Variants in GINS1 observed in about 807,000 individuals in gnomAD.
GINS1 encodes GINS complex subunit 1, also known as DNA replication complex GINS protein PSF1.
In GINS1, 26 loss-of-function variants were observed where a neutral mutation model predicts 34.9. The ratio of observed to expected loss-of-function variants is 0.74; its 90% CI spans 0.55 to 1.03. The LOEUF is 1.03. Ranked by LOEUF, GINS1 falls within the 50% of genes least tolerant of loss-of-function variation. GINS1 has a pLI of 0.00. For synonymous variants in GINS1, 97 were observed against 84.4 expected (o/e 1.15, Z -0.82); for missense variants, 235 against 237.9 (o/e 0.99, Z 0.08).
chr20:25,414,255 T>A (rs1362988223), intron 2 of GINS1, among the ~76,000 whole-genome samples: 4 of 151,172 alleles, frequency 2.6e-5, no homozygotes, highest in African/African-American at 9.8e-5. Flanking sequence ...TGGGATGCGA[T>A]TTTTAAAAAT....
At chr20:25,429,588 GAATT>G (rs771771653) in intron 5 of GINS1, among the ~76,000 whole-genome samples, 124 of 148,286 alleles carry the variant, frequency 8.4e-4, no homozygotes, top group Admixed American at 1.5e-3. Flanking sequence ...CTGATAAACT[GAATT>G]ATTTTCATAA....
In GINS1 at chr20:25,407,733, C is replaced by A; in HGVS notation, c.-88C>A. On this transcript the variant is annotated 5_prime_UTR_variant, in exon 1 of 7. Transcript: ENST00000262460. ...AGAGCCTGGCGCTGTAGGACTAGAA[C>A]GAAAGGAGTGAGGCGCCGAGAGCCC... The A allele has an allele frequency of 9.8e-7, 1 of 1,022,142 alleles. No individual in the cohort carries two copies. The highest frequency in any genetic ancestry group is 1.5e-6 in the Non-Finnish European group (1 of 656,010). 63.3% of individuals were successfully genotyped at this position (1,022,142 alleles called of 1,614,324 possible). A position where few individuals can be genotyped will look rare whatever the true frequency, so the allele number is the denominator to read the frequency against.
chr20:25,410,838 T>C (rs545506616), intron 1 of GINS1, among the ~76,000 whole-genome samples: 54 of 152,256 alleles, frequency 3.5e-4, no homozygotes, highest in African/African-American at 1.3e-3. Context: ...GCTGGGATTA[T>C]AGGCGTGAGC....
At chr20:25,414,047 G>A (rs1044406091) in intron 2 of GINS1, among the ~76,000 whole-genome samples, 193 bp downstream of exon 2, 18 of 151,918 alleles carry the variant, frequency 1.2e-4, no homozygotes, top group Middle Eastern at 6.8e-3. Context: ...AAAATTAACC[G>A]GGTGTGGTAG....
chr20:25,430,676 A>G lies in GINS1; in HGVS notation c.447+5349A>G, dbSNP rs576938035. 3.9e-5 allele frequency among the ~76,000 whole-genome samples: 6 copies of G among 152,314 alleles called. No individual in the cohort carries two copies. In the South Asian group the frequency reaches 6.2e-4, roughly 16 times the overall value. On this transcript the variant is annotated intron_variant, in intron 5 of 6. Coordinates refer to ENST00000262460, the MANE Select transcript of GINS1 (RefSeq NM_021067.5). ...CTCCCAAGTAGCTGCGATTACAGGC[A>G]TGTGCCACCACACCCGGCTAATTTT...
At position 25,409,475 on chromosome 20, in the gene GINS1, C is replaced by T. The variant is rs187085190; in HGVS notation, c.75+1580C>T. Among the ~76,000 whole-genome samples the T allele has an allele frequency of 2.0e-4, 31 of 152,030 alleles. 1 individual carries two copies. The East Asian group carries it at 5.8e-3, about 28-fold the overall frequency. On this transcript the variant is annotated intron_variant, in intron 1 of 6. Coordinates refer to ENST00000262460, the MANE Select transcript of GINS1 (RefSeq NM_021067.5). The stretch of plus-strand genomic sequence containing the variant: ...ATTAGAGCAGGGGCAGAGATGGGGT[C>T]CATAATGAATAAGAGGGAGGAATTG...
intron 5 of GINS1, among the ~76,000 whole-genome samples, chr20:25,428,844 T>TA (rs1234158183): frequency 6.6e-6 from 1 of 152,076 alleles, no homozygotes; most frequent in Non-Finnish European, 1.5e-5. Flanking sequence ...ACATCTGTCG[T>TA]AAAAAAAGTT....
intron 4 of GINS1, 34 bp downstream of exon 4, chr20:25,418,229 A>G (rs1212482003): frequency 5.1e-6 from 6 of 1,166,004 alleles, no homozygotes; most frequent in Non-Finnish European, 7.8e-6. Context: ...ATAAATTTTG[A>G]AAATGCTAAA....
chr20:25,432,869 CTT>C (rs1255370564), intron 5 of GINS1, among the ~76,000 whole-genome samples: 2 of 148,164 alleles, frequency 1.3e-5, no homozygotes, highest in African/African-American at 4.9e-5. Flanking sequence ...TATATATTAA[CTT>C]ATATAATAAC....
At chr20:25,418,593 G>A (rs932257700) in intron 4 of GINS1, among the ~76,000 whole-genome samples, 4 of 152,174 alleles carry the variant, frequency 2.6e-5, no homozygotes, top group South Asian at 2.1e-4. Flanking sequence ...GGAGTCAGGT[G>A]GGCTTAGGTT....
At chr20:25,417,809 G>A (rs1404414567) in intron 3 of GINS1, among the ~76,000 whole-genome samples, 3 of 152,158 alleles carry the variant, frequency 2.0e-5, no homozygotes, top group East Asian at 1.9e-4. Context: ...AACGGAGATC[G>A]TGCCATTGCA....
chr20:25,427,869 A>ATTTTTTT (rs11411051), intron 5 of GINS1, among the ~76,000 whole-genome samples: 11 of 94,280 alleles, frequency 1.2e-4, no homozygotes, highest in African/African-American at 1.7e-4. Context: ...CCAGTTCGTC[A>ATTTTTTT]TTTTTTTTTT....
chr20:25,447,835 G>GA lies in GINS1; in HGVS notation c.*1847dup, dbSNP rs1253011381. On this transcript the variant is annotated 3_prime_UTR_variant, in exon 7 of 7. Transcript: ENST00000262460. Reference sequence around the variant, plus strand: ...ATGTTAAGTCCTTTGCTTTTGATGTGAAATTTGGGAACAGGCAGGGTGTGG... The same window carrying GA: ...ATGTTAAGTCCTTTGCTTTTGATGTGAAAATTTGGGAACAGGCAGGGTGTGG... 5 of 152,184 alleles carry GA rather than the reference G, an allele frequency of 3.3e-5. No homozygotes were observed. The highest frequency in any genetic ancestry group is 1.2e-4 in the African/African-American group (5 of 41,448). 9.4% of individuals were successfully genotyped at this position (152,184 alleles called of 1,614,324 possible). A position where few individuals can be genotyped will look rare whatever the true frequency, so the allele number is the denominator to read the frequency against.
At chr20:25,416,693 G>A (rs1004322344) in intron 2 of GINS1, among the ~76,000 whole-genome samples, 2 of 152,192 alleles carry the variant, frequency 1.3e-5, no homozygotes, top group African/African-American at 4.8e-5. Context: ...GGATTTGGAA[G>A]CTCCACTGGA....
intron 4 of GINS1, among the ~76,000 whole-genome samples, chr20:25,418,758 A>T (rs1392850081): frequency 6.6e-6 from 1 of 152,236 alleles, no homozygotes; most frequent in Non-Finnish European, 1.5e-5. Flanking sequence ...AAGGAAGCTC[A>T]CACAAGCTTT....
chr20:25,441,827 G>A (rs773994647), intron 6 of GINS1, 51 bp downstream of exon 6: 6 of 927,122 alleles, frequency 6.5e-6, no homozygotes, highest in South Asian at 5.8e-5. Flanking sequence ...GTGTTGTATG[G>A]TGGAAAAGTT....
chr20:25,411,619 C>A (rs897703226), intron 1 of GINS1, among the ~76,000 whole-genome samples: 5 of 151,404 alleles, frequency 3.3e-5, no homozygotes, highest in Admixed American at 1.3e-4. Context: ...GCCAACATGG[C>A]GAAACCCTGT....
At chr20:25,444,327 A>T (rs895529190) in intron 6 of GINS1, among the ~76,000 whole-genome samples, 9 of 152,106 alleles carry the variant, frequency 5.9e-5, no homozygotes, top group African/African-American at 1.9e-4. Flanking sequence ...AACATTTTCT[A>T]ATATACATTC....
chr20:25,426,713 CTG>C (rs1568804175), intron 5 of GINS1, among the ~76,000 whole-genome samples: 1 of 151,662 alleles, frequency 6.6e-6, no homozygotes, highest in Admixed American at 6.6e-5. Context: ...TTAGTAGAGA[CTG>C]GGTTTCTCCA....
Sources: allele counts gnomAD v4.1 joint callset (sites outside exome capture counted in the v4.1 genomes callset), GRCh38; gene constraint gnomAD v4.1.1; transcripts MANE v1.5; gene names NCBI Gene and HGNC (gene_info 2026-07-23, HGNC 2026-07-21).